Variants in EDIL3 observed in about 807,000 individuals in gnomAD.
The protein encoded by EDIL3 is EGF-like repeat and discoidin I-like domain-containing protein 3.
A neutral mutation model predicts 67.4 loss-of-function variants in EDIL3; 37 were observed. That is an observed-to-expected ratio of 0.55 (90% CI 0.42 to 0.72). EDIL3 has a LOEUF of 0.72. Among genes scored for constraint, EDIL3 ranks in the 30% least tolerant of loss-of-function variants. The probability of loss-of-function intolerance (pLI) is 0.00; values close to 1 mark genes in which losing one functional copy is unlikely to be tolerated. For missense variants in EDIL3, 527 were observed against 586.3 expected (o/e 0.90, Z 1.04); for synonymous variants, 195 against 196.3 (o/e 0.99, Z 0.05).
chr5:84,007,842 A>C (rs1745446090), intron 9 of EDIL3, among the ~76,000 whole-genome samples: 1 of 152,208 alleles, frequency 6.6e-6, no homozygotes, highest in African/African-American at 2.4e-5. Context: ...GGTTTATTGC[A>C]GTATTATTCA....
intron 2 of EDIL3, among the ~76,000 whole-genome samples, chr5:84,235,555 T>C (rs763274320): frequency 6.6e-6 from 1 of 152,056 alleles, no homozygotes; most frequent in Non-Finnish European, 1.5e-5. Context: ...AAGAGTTTCA[T>C]GAGGACAGGG....
chr5:84,071,697 A>T (rs1746742961), intron 6 of EDIL3, among the ~76,000 whole-genome samples: 1 of 152,222 alleles, frequency 6.6e-6, no homozygotes, highest in Non-Finnish European at 1.5e-5. Flanking sequence ...ATATTGGGAG[A>T]TGATGCAACT....
At chr5:84,094,363 A>G (rs1178187457) in intron 6 of EDIL3, among the ~76,000 whole-genome samples, 3 of 152,216 alleles carry the variant, frequency 2.0e-5, no homozygotes, top group Non-Finnish European at 2.9e-5. Flanking sequence ...GGTGTATGGT[A>G]AGAATGGGAA....
At chr5:84,040,424 T>C (rs546661158) in intron 9 of EDIL3, among the ~76,000 whole-genome samples, 4 of 151,708 alleles carry the variant, frequency 2.6e-5, no homozygotes, top group Non-Finnish European at 5.9e-5. Context: ...ATATCTGTTA[T>C]TGTGTTACAT....
At chr5:84,100,258 T>C (rs1192650974) in intron 6 of EDIL3, among the ~76,000 whole-genome samples, 3 of 152,106 alleles carry the variant, frequency 2.0e-5, no homozygotes, top group Non-Finnish European at 4.4e-5. Flanking sequence ...ATCATGCTGC[T>C]ATAAAGACAC....
chr5:84,116,875 G>C lies in EDIL3; in HGVS notation c.470-10045C>G, dbSNP rs1373332405. ...TTCATACATTATCTCTTATTCAGTA[G>C]AGATTCATACTGGATGTGTTTTATC... is the stretch of plus-strand genomic sequence containing the variant. On this transcript the variant is annotated intron_variant, in intron 5 of 10. Coordinates refer to ENST00000296591, the MANE Select transcript of EDIL3 (RefSeq NM_005711.5). Among the ~76,000 whole-genome samples the C allele has an allele frequency of 2.0e-5, 3 of 152,090 alleles. No individual in the cohort carries two copies. The East Asian group carries it at 5.8e-4, about 29-fold the overall frequency.
intron 2 of EDIL3, among the ~76,000 whole-genome samples, chr5:84,231,271 A>G (rs1744571791): frequency 6.6e-6 from 1 of 152,198 alleles, no homozygotes; most frequent in South Asian, 2.1e-4. Flanking sequence ...TACAAGAGTG[A>G]AAAAGAAGTT....
intron 6 of EDIL3, among the ~76,000 whole-genome samples, chr5:84,075,544 C>T (rs902584849): frequency 3.3e-5 from 5 of 151,918 alleles, no homozygotes; most frequent in African/African-American, 1.2e-4. Flanking sequence ...GGTGCAATCT[C>T]AGCTCACTGC....
chr5:84,067,535 A>AT lies in EDIL3; in HGVS notation c.652-930dup, dbSNP rs140471274. Among the ~76,000 whole-genome samples, 1,093 of 152,318 alleles carry AT rather than the reference A, an allele frequency of 7.2e-3. 16 individuals are homozygous for AT. Among genetic ancestry groups the AT allele is most frequent in the African/African-American group, 0.025 (1,050 of 41,566 alleles). On this transcript the variant is annotated intron_variant, in intron 6 of 10. Coordinates refer to ENST00000296591, the MANE Select transcript of EDIL3 (RefSeq NM_005711.5). The stretch of plus-strand genomic sequence containing the variant: ...TAAATCACCCTCTCCAAAAATATAA[A>AT]TTGGAAAAATTTAAATATGTCATAC...
At chr5:84,127,711 T>C (rs71605900) in intron 5 of EDIL3, among the ~76,000 whole-genome samples, 3 of 152,096 alleles carry the variant, frequency 2.0e-5, no homozygotes, top group Non-Finnish European at 4.4e-5. Flanking sequence ...TTCTGTTTCT[T>C]GGATTATCCT....
chr5:84,091,362 C>T (rs1460442055), intron 6 of EDIL3, among the ~76,000 whole-genome samples: 1 of 152,232 alleles, frequency 6.6e-6, no homozygotes, highest in Non-Finnish European at 1.5e-5. Flanking sequence ...AAAGCTAATA[C>T]ATAACACTAC....
chr5:84,013,411 T>G (rs1252438111), intron 9 of EDIL3, among the ~76,000 whole-genome samples: 1 of 152,114 alleles, frequency 6.6e-6, no homozygotes, highest in Admixed American at 6.5e-5. Flanking sequence ...GAATTTAGTT[T>G]TTGTAAATAA....
At chr5:84,379,092 A>G (rs1748026958) in intron 1 of EDIL3, among the ~76,000 whole-genome samples, 1 of 152,152 alleles carries the variant, frequency 6.6e-6, no homozygotes, top group Non-Finnish European at 1.5e-5. Flanking sequence ...GAGAACTCTG[A>G]CACAGAAAGA....
chr5:84,180,501 A>G lies in EDIL3; in HGVS notation c.247T>C (p.Cys83Arg). ...ATTTCACAGGTTCCTCCATTATGGC[A>G]TGGATTAGGAGTGCAGGGACCTGAA... ...TSAGPCTPNP[C>R]HNGGTCEISE... The change falls in exon 4 of 11, where the codon TGC (cysteine) becomes CGC (arginine). Residue 83 changes from cysteine (C) to arginine (R), a missense_variant. Coordinates refer to ENST00000296591, the MANE Select transcript of EDIL3 (RefSeq NM_005711.5). 6.2e-7 allele frequency: 1 copy of G among 1,605,566 alleles called. No homozygotes were observed. The highest frequency in any genetic ancestry group is 8.5e-7 in the Non-Finnish European group (1 of 1,176,016).
At chr5:84,241,420 A>G (rs889041658) in intron 2 of EDIL3, among the ~76,000 whole-genome samples, 1 of 152,150 alleles carries the variant, frequency 6.6e-6, no homozygotes, top group African/African-American at 2.4e-5. Flanking sequence ...CAGGATTCCC[A>G]TTTTGCAATC....
chr5:84,340,350 G>T (rs1747075959), intron 1 of EDIL3, among the ~76,000 whole-genome samples: 1 of 151,492 alleles, frequency 6.6e-6, no homozygotes, highest in African/African-American at 2.4e-5. Context: ...CAGTACCTCA[G>T]TTATCTCTAA....
rs184887871 is a variant in EDIL3, at chr5:84,377,796, G to C, written c.67+6512C>G. Among the ~76,000 whole-genome samples the C allele has an allele frequency of 9.3e-4, 142 of 152,224 alleles. 1 individual carries two copies. Among genetic ancestry groups the C allele is most frequent in the African/African-American group, 3.2e-3 (132 of 41,528 alleles). ...TTTGATACAAACCTGTTTTGGAAAA[G>C]ATAAAAGGCAAAGCTAAGTCAATCT... On this transcript the variant is annotated intron_variant, in intron 1 of 10. Coordinates refer to ENST00000296591, the MANE Select transcript of EDIL3 (RefSeq NM_005711.5).
chr5:84,271,427 A>G (rs1236025289), intron 1 of EDIL3, among the ~76,000 whole-genome samples: 2 of 147,680 alleles, frequency 1.4e-5, no homozygotes, highest in Non-Finnish European at 3.0e-5. Flanking sequence ...AAATAAATAA[A>G]TAAATAAATA....
chr5:84,150,237 T>G (rs1275352245), intron 4 of EDIL3, among the ~76,000 whole-genome samples: 1 of 152,130 alleles, frequency 6.6e-6, no homozygotes, highest in East Asian at 1.9e-4. Flanking sequence ...TAGAACTACA[T>G]AAGAAATCAC....
Sources: gnomAD v4.1 joint callset for allele counts (sites outside exome capture counted in the v4.1 genomes callset) on GRCh38, gnomAD v4.1.1 for gene constraint, MANE v1.5 for transcripts, NCBI Gene and HGNC (gene_info 2026-07-23, HGNC 2026-07-21) for gene names.